Variants in PKNOX2 observed in about 807,000 individuals in gnomAD.
The protein encoded by PKNOX2 is homeobox protein PKNOX2.
A neutral mutation model predicts 53.1 loss-of-function variants in PKNOX2; 14 were observed. The ratio of observed to expected loss-of-function variants is 0.26; its 90% CI spans 0.17 to 0.41. PKNOX2 has a LOEUF of 0.41. Among genes scored for constraint, PKNOX2 ranks in the 10% least tolerant of loss-of-function variants. The pLI is 1.00. For missense variants in PKNOX2, 496 were observed against 602.8 expected (o/e 0.82, Z 1.85); for synonymous variants, 257 against 242.8 (o/e 1.06, Z -0.54).
At chr11:125,394,790 A>G (rs1954282479) in intron 6 of PKNOX2, among the ~76,000 whole-genome samples, 1 of 152,240 alleles carries the variant, frequency 6.6e-6, no homozygotes, top group African/African-American at 2.4e-5. Context: ...AATAAGCATC[A>G]CCCGCTCCTA....
rs774543165 is a variant in PKNOX2, at chr11:125,410,204, G to A, written c.597G>A (p.Leu199=). Residue 199 remains leucine (L), a synonymous_variant, in exon 8 of 13, where the codon CTG becomes CTA. Coordinates refer to ENST00000298282, the MANE Select transcript of PKNOX2 (RefSeq NM_001382323.2). ...GCCTCCCTCACTGCCAGGACCTCCT[G>A]CAGAATTCCCCCAATTCCATGTCCG... is the stretch of plus-strand genomic sequence containing the variant. ...PSINLHSQDL[L]QNSPNSMSGV... 6.8e-5 allele frequency: 109 copies of A among 1,613,842 alleles called. No homozygotes were observed. The highest frequency in any genetic ancestry group is 8.8e-5 in the Non-Finnish European group (104 of 1,179,938).
intron 6 of PKNOX2, among the ~76,000 whole-genome samples, chr11:125,393,193 AT>A (rs1954183172): frequency 6.6e-6 from 1 of 151,962 alleles, no homozygotes; most frequent in Admixed American, 6.6e-5. Flanking sequence ...GAGAAAGTTA[AT>A]TGAACAACTT....
chr11:125,377,957 C>T (rs73027810), intron 5 of PKNOX2, among the ~76,000 whole-genome samples: 2,172 of 152,340 alleles, frequency 0.014, 28 homozygotes, highest in Non-Finnish European at 0.022. Context: ...CTGGAGCGCC[C>T]ATCTGCGAGC....
chr11:125,281,130 G>A (rs1281331515), intron 2 of PKNOX2, among the ~76,000 whole-genome samples: 1 of 152,210 alleles, frequency 6.6e-6, no homozygotes, highest in Non-Finnish European at 1.5e-5. Flanking sequence ...AGCTTTGTCT[G>A]GAGCTCAGGC....
intron 3 of PKNOX2, among the ~76,000 whole-genome samples, chr11:125,341,205 A>T (rs1950667467): frequency 6.6e-6 from 1 of 151,206 alleles, no homozygotes; most frequent in South Asian, 2.1e-4. Context: ...AAAATACAAA[A>T]ATTAGCTGGG....
intron 4 of PKNOX2, among the ~76,000 whole-genome samples, chr11:125,353,861 G>A (rs1450143814): frequency 6.6e-6 from 1 of 152,100 alleles, no homozygotes; most frequent in African/African-American, 2.4e-5. Flanking sequence ...TCCCCAAGCT[G>A]AGCTGGTTCC....
At chr11:125,264,897 G>A (rs1235470003) in intron 2 of PKNOX2, among the ~76,000 whole-genome samples, 1 of 152,170 alleles carries the variant, frequency 6.6e-6, no homozygotes, top group East Asian at 1.9e-4. Context: ...GACTGCTCTA[G>A]GTAAGCACTT....
intron 1 of PKNOX2, among the ~76,000 whole-genome samples, chr11:125,183,873 C>T (rs1459071400): frequency 6.6e-6 from 1 of 152,156 alleles, no homozygotes; most frequent in Non-Finnish European, 1.5e-5. Flanking sequence ...GGAACGGTTA[C>T]ACCCAGAGTG....
rs1296170848 is a variant in PKNOX2, at chr11:125,432,856, G to A, written c.*1464G>A. ...CCTCCTTCAGTGGCAGGATGTGAGT[G>A]GCTACCTGGCTCAACTGGAGGGGAC... On this transcript the variant is annotated 3_prime_UTR_variant, in exon 13 of 13. Coordinates refer to ENST00000298282, the MANE Select transcript of PKNOX2 (RefSeq NM_001382323.2). 1 of 152,458 alleles carries A rather than the reference G, an allele frequency of 6.6e-6. No homozygotes were observed. The highest frequency in any genetic ancestry group is 2.4e-5 in the African/African-American group (1 of 41,286). The allele number at this position is 152,458 out of a possible 1,614,324, so 9.4% of individuals were successfully genotyped here. A position where few individuals can be genotyped will look rare whatever the true frequency, so the allele number is the denominator to read the frequency against.
chr11:125,279,766 C>T (rs1946425083), intron 2 of PKNOX2, among the ~76,000 whole-genome samples: 2 of 152,204 alleles, frequency 1.3e-5, no homozygotes, highest in South Asian at 4.1e-4. Flanking sequence ...GAGCTGGCTC[C>T]TGCCTTTCAG....
chr11:125,174,460 A>C (rs188634319), intron 1 of PKNOX2, among the ~76,000 whole-genome samples: 114 of 152,264 alleles, frequency 7.5e-4, no homozygotes, highest in Middle Eastern at 3.4e-3. Flanking sequence ...CATTTTATAC[A>C]ATGAGCAGGT....
chr11:125,369,491 A>G (rs1952406011), intron 5 of PKNOX2, among the ~76,000 whole-genome samples: 1 of 152,222 alleles, frequency 6.6e-6, no homozygotes, highest in African/African-American at 2.4e-5. Flanking sequence ...GGGCTGTGCT[A>G]GACTCCAGCA....
chr11:125,221,561 G>A (rs1013493625), intron 1 of PKNOX2, among the ~76,000 whole-genome samples: 3 of 152,072 alleles, frequency 2.0e-5, no homozygotes, highest in Admixed American at 6.5e-5. Flanking sequence ...TGTGAGATAC[G>A]GCCACACTCT....
intron 2 of PKNOX2, among the ~76,000 whole-genome samples, chr11:125,264,732 A>G (rs552377361): frequency 8.5e-4 from 122 of 143,882 alleles, no homozygotes; most frequent in African/African-American, 3.0e-3. Flanking sequence ...TCTTCCACAC[A>G]TCACAGCTGC....
intron 10 of PKNOX2, among the ~76,000 whole-genome samples, chr11:125,413,622 G>T (rs989921054): frequency 6.6e-6 from 1 of 152,200 alleles, no homozygotes; most frequent in Non-Finnish European, 1.5e-5. Flanking sequence ...TTTTGAGGCA[G>T]CTGAACCTGG....
At chr11:125,292,361 T>C (rs1474718221) in intron 2 of PKNOX2, among the ~76,000 whole-genome samples, 1 of 152,206 alleles carries the variant, frequency 6.6e-6, no homozygotes, top group African/African-American at 2.4e-5. Context: ...AAAGCTTTAA[T>C]GACAGTCTTT....
intron 7 of PKNOX2, among the ~76,000 whole-genome samples, chr11:125,400,670 G>T (rs979853169): frequency 3.9e-5 from 6 of 152,104 alleles, no homozygotes; most frequent in African/African-American, 7.2e-5. Flanking sequence ...TTCCCCAAGG[G>T]TAGGAACAAG....
At chr11:125,215,583 C>G (rs1940401233) in intron 1 of PKNOX2, among the ~76,000 whole-genome samples, 1 of 151,998 alleles carries the variant, frequency 6.6e-6, no homozygotes, top group Admixed American at 6.5e-5. Context: ...GAAACCCCAT[C>G]TCTACTAAAA....
In PKNOX2 at chr11:125,178,703, A is replaced by G. The variant is rs1347334739; in HGVS notation, c.-201+13927A>G. 5.6e-3 allele frequency among the ~76,000 whole-genome samples: 769 copies of G among 138,076 alleles called. 77 individuals carry two copies. The highest frequency in any genetic ancestry group is 0.02 in the African/African-American group (722 of 36,332). 90.6% of individuals were successfully genotyped at this position (138,076 alleles called of 152,430 possible). ...GAGAGAGAGAGAGAGAGAGAGAAAGAAAGAAAGAAAGAAAGAGAAAGGAAG... is the reference window on the plus strand; with the variant it reads ...GAGAGAGAGAGAGAGAGAGAGAAAGGAAGAAAGAAAGAAAGAGAAAGGAAG... On this transcript the variant is annotated intron_variant, in intron 1 of 12. Transcript: ENST00000298282.
Sources: allele counts gnomAD v4.1 joint callset (sites outside exome capture counted in the v4.1 genomes callset), GRCh38; gene constraint gnomAD v4.1.1; transcripts MANE v1.5; gene names NCBI Gene and HGNC (gene_info 2026-07-23, HGNC 2026-07-21).